Variants in CAPN2 observed in about 807,000 individuals in gnomAD.
CAPN2 encodes the protein calpain 2, also known as calpain-2 catalytic subunit.
CAPN2 carries 92 observed loss-of-function variants against 102.3 expected under a neutral mutation model. The observed-to-expected ratio is 0.90, with a 90% CI of 0.76 to 1.07. CAPN2 has a LOEUF of 1.07. Among genes scored for constraint, CAPN2 ranks in the 50% least tolerant of loss-of-function variants. The pLI, the probability that CAPN2 is intolerant of heterozygous loss-of-function variation, is 0.00. For missense variants in CAPN2, 800 were observed against 909.4 expected (o/e 0.88, Z 1.55); for synonymous variants, 340 against 355.4 (o/e 0.96, Z 0.49).
Position 223,764,208 on chromosome 1 carries a change from G to GT in CAPN2, c.1690+2dup. 3 of 1,613,102 alleles carry GT rather than the reference G, an allele frequency of 1.9e-6. No individual in the cohort carries two copies. Among genetic ancestry groups the GT allele is most frequent in the Non-Finnish European group, 2.5e-6 (3 of 1,179,090 alleles). On this transcript the variant is annotated splice_donor_variant, in intron 15 of 20. Transcript: ENST00000295006. LOFTEE classifies it high-confidence loss of function. Reference sequence around the variant, plus strand: ...ATCCTGAGAAGGGTTCTAGCAAAGCGTGAGTATCCCCTCATTGCAAAACCT... The same window carrying GT: ...ATCCTGAGAAGGGTTCTAGCAAAGCGTTGAGTATCCCCTCATTGCAAAACCT...
At chr1:223,722,281 C>CTTTTTTTTT (rs34894876) in intron 2 of CAPN2, among the ~76,000 whole-genome samples, 141 of 85,478 alleles carry the variant, frequency 1.6e-3, no homozygotes, top group African/African-American at 3.4e-3. Flanking sequence ...TTCTTTCTTT[C>CTTTTTTTTT]TTTTTTTTTT....
upstream of CAPN2, among the ~76,000 whole-genome samples, chr1:223,707,666 C>T (rs959144682): frequency 6.6e-6 from 1 of 152,210 alleles, no homozygotes; most frequent in Non-Finnish European, 1.5e-5. Context: ...TCTATGTGCG[C>T]AGCGATCCCT....
rs909844596 is a variant in CAPN2 at position 223,755,820 on chromosome 1, G to A, written c.1305+171G>A. ...GGCTCAGGAGTAGCCCCCGTAGGGA[G>A]GCCCCTGCAGTGGCTCTGGGTTGTG... On this transcript the variant is annotated intron_variant, in intron 10 of 20. Transcript: ENST00000295006. The surrounding 1 kb of genome is among the most constrained non-coding windows in gnomAD (Gnocchi z 4.1). Among the ~76,000 whole-genome samples the A allele has an allele frequency of 3.9e-5, 6 of 152,332 alleles. No individual in the cohort carries two copies. Among genetic ancestry groups the A allele is most frequent in the Non-Finnish European group, 8.8e-5 (6 of 68,020 alleles).
upstream of CAPN2, among the ~76,000 whole-genome samples, chr1:223,710,797 G>A (rs28739569): frequency 0.1 from 15,421 of 150,662 alleles, 995 homozygotes; most frequent in South Asian, 0.14. Context: ...CCTATATCCT[G>A]GAAGCCACCC....
chr1:223,759,453 G>T lies in CAPN2; in HGVS notation c.1501G>T (p.Val501Phe). The change falls in exon 12 of 21, where the codon GTC becomes TTC. Residue 501 changes from valine to phenylalanine, a missense_variant. Val to Phe is a conservative substitution (Grantham distance 50). Coordinates refer to ENST00000295006, the MANE Select transcript of CAPN2 (RefSeq NM_001748.5). This position sits in a 1 kb window ranked among gnomAD's most constrained non-coding sequence, Gnocchi z 4.6. ...CAAGGATGGGGATTTCTGCATCCGG[G>T]TCTTTTCTGAAAAGAAAGCTGACTA... ...PNKDGDFCIR[V>F]FSEKKADYQA... is the part of the protein sequence containing the mutation. The T allele has an allele frequency of 3.7e-6, 6 of 1,614,094 alleles. No homozygotes were observed. The highest frequency in any genetic ancestry group is 5.1e-6 in the Non-Finnish European group (6 of 1,180,036).
At chr1:223,709,540 A>G (rs903139497), upstream of CAPN2, among the ~76,000 whole-genome samples, 1 of 151,976 alleles carries the variant, frequency 6.6e-6, no homozygotes, top group African/African-American at 2.4e-5. Context: ...GGCACCTGTA[A>G]TCCCAACTAC....
intron 2 of CAPN2, among the ~76,000 whole-genome samples, chr1:223,741,799 C>G (rs999911220): frequency 6.7e-6 from 1 of 150,016 alleles, no homozygotes; most frequent in African/African-American, 2.5e-5. Flanking sequence ...TTGGGGGGCA[C>G]AGAGTCTCAC....
intron 8 of CAPN2, 54 bp downstream of exon 8, chr1:223,752,125 T>C: frequency 3.3e-6 from 4 of 1,222,828 alleles, no homozygotes; most frequent in Non-Finnish European, 4.8e-6. Context: ...TGTTCTTTAC[T>C]AGAAAACTGC....
At chr1:223,751,025 G>A (rs985747761) in intron 7 of CAPN2, 50 bp downstream of exon 7, 1 of 1,394,660 alleles carries the variant, frequency 7.2e-7, no homozygotes. Context: ...CATTGTGCTG[G>A]GAGGCTCTGG....
At chr1:223,748,793 T>C (rs1360321723) in intron 5 of CAPN2, among the ~76,000 whole-genome samples, 1 of 152,230 alleles carries the variant, frequency 6.6e-6, no homozygotes, top group Non-Finnish European at 1.5e-5. Flanking sequence ...CGGGAATGCC[T>C]GTGCTCGTTC....
At chr1:223,757,943 C>T (rs1281020578) in intron 11 of CAPN2, 2 of 152,260 alleles carry the variant, frequency 1.3e-5, no homozygotes, top group Admixed American at 6.5e-5. Flanking sequence ...TCACTGCAAC[C>T]TCTACCTCCT....
chr1:223,761,664 A>C, intron 13 of CAPN2, 47 bp downstream of exon 13: 1 of 1,520,246 alleles, frequency 6.6e-7, no homozygotes, highest in Non-Finnish European at 9.1e-7. Flanking sequence ...TGGACAATCC[A>C]GAGAGCAGAG....
rs1400584739 is a variant in CAPN2 at position 223,759,345 on chromosome 1, TTCA to T, written c.1397_1399del (p.Ile466del). On this transcript the variant is annotated inframe_deletion, in exon 12 of 21. Coordinates refer to ENST00000295006, the MANE Select transcript of CAPN2 (RefSeq NM_001748.5). This position sits in a 1 kb window ranked among gnomAD's most constrained non-coding sequence, Gnocchi z 4.6. Reference sequence around the variant, plus strand: ...TCGCGCCAGGGAGCGCTCAGACACCTTCATCAACCTCCGGGAGGTGCTCAACCG... The same window carrying T: ...TCGCGCCAGGGAGCGCTCAGACACCTTCAACCTCCGGGAGGTGCTCAACCG... 6.2e-7 allele frequency: 1 copy of T among 1,614,214 alleles called. No individual in the cohort carries two copies.
Position 223,744,697 on chromosome 1 carries a change from C to G in CAPN2, c.426+479C>G, listed in dbSNP as rs144876817. ...CCAACATGATGAAACCCCATCTCTA[C>G]TAAAAGTACAAAAATCAGTTGGGCG... On this transcript the variant is annotated intron_variant, in intron 3 of 20. Transcript: ENST00000295006. Among the ~76,000 whole-genome samples, 923 of 152,128 alleles carry G rather than the reference C, an allele frequency of 6.1e-3. 11 individuals carry two copies. The highest frequency in any genetic ancestry group is 0.024 in the Middle Eastern group (7 of 294).
At chr1:223,768,724 A>G (rs1437018711) in intron 16 of CAPN2, among the ~76,000 whole-genome samples, 1 of 151,268 alleles carries the variant, frequency 6.6e-6, no homozygotes, top group Non-Finnish European at 1.5e-5. Context: ...TTCTGTGAAG[A>G]AAGTCATTGG....
chr1:223,704,717 C>G lies in CAPN2; in HGVS notation c.3+2886C>G, dbSNP rs182510658. Among the ~76,000 whole-genome samples, 4 of 152,332 alleles carry G rather than the reference C, an allele frequency of 2.6e-5. No homozygotes were observed. The East Asian group carries it at 7.7e-4, about 29-fold the overall frequency. The stretch of plus-strand genomic sequence containing the variant: ...GGGCCACAGCAATAATGAGATGTCA[C>G]TGGGCTCAGCCCTGTGCCTGGAAGG... On this transcript the variant is annotated intron_variant, in intron 1 of 20. Transcript: ENST00000433674.
intron 2 of CAPN2, among the ~76,000 whole-genome samples, chr1:223,724,136 C>A (rs979652233): frequency 6.6e-6 from 1 of 152,320 alleles, no homozygotes; most frequent in Middle Eastern, 3.4e-3. Context: ...AGAATGTTAC[C>A]TTCCTCGACA....
chr1:223,719,264 C>G (rs1659964111), intron 2 of CAPN2, among the ~76,000 whole-genome samples: 1 of 152,152 alleles, frequency 6.6e-6, no homozygotes, highest in Admixed American at 6.5e-5. Context: ...ACAGCCGGCG[C>G]AGTGGCTCAC....
chr1:223,731,332 C>T lies in CAPN2; in HGVS notation c.308-12768C>T, dbSNP rs1660329748. Among the ~76,000 whole-genome samples, 1 of 152,182 alleles carries T rather than the reference C, an allele frequency of 6.6e-6. No individual in the cohort carries two copies. Among genetic ancestry groups the T allele is most frequent in the Non-Finnish European group, 1.5e-5 (1 of 68,020 alleles). ...ACATCCAACCCAATCCGCCTAGCCC[C>T]AGCCCTCTCCAGTTCCCAATGCCCA... On this transcript the variant is annotated intron_variant, in intron 2 of 20. Coordinates refer to ENST00000295006, the MANE Select transcript of CAPN2 (RefSeq NM_001748.5). The surrounding 1 kb of genome is among the most constrained non-coding windows in gnomAD (Gnocchi z 4.2).
Sources: gnomAD v4.1 joint callset for allele counts (sites outside exome capture counted in the v4.1 genomes callset) on GRCh38, gnomAD v4.1.1 for gene constraint, Gnocchi (gnomAD v3.1) non-coding constraint, MANE v1.5 for transcripts, NCBI Gene and HGNC (gene_info 2026-07-23, HGNC 2026-07-21) for gene names.